HSD17B12: variants seen among roughly 807,000 people sequenced by gnomAD.
HSD17B12 encodes very-long-chain 3-oxoacyl-CoA reductase.
In HSD17B12, 32 loss-of-function variants were observed where a neutral mutation model predicts 39.3. That is an observed-to-expected ratio of 0.81 (90% CI 0.61 to 1.09). The LOEUF (loss-of-function observed/expected upper bound fraction) is 1.09. HSD17B12 is among the 50% of genes least tolerant of loss of function. The pLI, the probability that HSD17B12 is intolerant of heterozygous loss-of-function variation, is 0.00. For missense variants in HSD17B12, 342 were observed against 382.9 expected, an observed-to-expected ratio of 0.89 and a Z score of 0.89; for synonymous variants, 150 against 146.7, an observed-to-expected ratio of 1.02 and a Z score of -0.16.
chr11:43,855,878 T>A lies in HSD17B12; in HGVS notation c.*630T>A, dbSNP rs1951578060. The A allele has an allele frequency of 8.2e-6, 1 of 121,706 alleles. No homozygotes were observed. Among genetic ancestry groups the A allele is most frequent in the Admixed American group, 9.0e-5 (1 of 11,078 alleles). The allele number at this position is 121,706 out of a possible 1,614,324, so 7.5% of individuals were successfully genotyped here. ...CCCACTAAACTATGCTTTCTTATAA[T>A]GCATATTTCTTCTCAGTTTAAATGT... On this transcript the variant is annotated 3_prime_UTR_variant, in exon 11 of 11. Coordinates refer to ENST00000278353, the MANE Select transcript of HSD17B12 (RefSeq NM_016142.3).
the HSD17B12 span, among the ~76,000 whole-genome samples, chr11:43,586,764 C>T: frequency 6.6e-6 from 1 of 152,190 alleles, no homozygotes; most frequent in African/African-American, 2.4e-5. Flanking sequence ...CCAATATCAG[C>T]CACTTCGAGG....
intron 1 of HSD17B12, among the ~76,000 whole-genome samples, chr11:43,732,272 G>A (rs527704880): frequency 2.2e-4 from 34 of 152,268 alleles, no homozygotes; most frequent in African/African-American, 7.7e-4. Context: ...CAGCCATGCT[G>A]AACTATGAGT....
At chr11:43,579,990 C>T in the HSD17B12 span, among the ~76,000 whole-genome samples, 1 of 152,020 alleles carries the variant, frequency 6.6e-6, no homozygotes, top group African/African-American at 2.4e-5. Context: ...GTGAGGTTTC[C>T]CCCACTGGGG....
At chr11:43,768,046 G>C (rs1253207164) in intron 3 of HSD17B12, among the ~76,000 whole-genome samples, 1 of 152,188 alleles carries the variant, frequency 6.6e-6, no homozygotes, top group Non-Finnish European at 1.5e-5. Context: ...AACGAAGTCT[G>C]GGGAGAGACC....
rs1232125962 is a variant in HSD17B12, at chr11:43,690,388, A to ATTTT, written c.160+9402_160+9403insTTTT. Among the ~76,000 whole-genome samples, 18 of 11,792 alleles carry ATTTT rather than the reference A, an allele frequency of 1.5e-3. 3 individuals carry two copies. Among genetic ancestry groups the ATTTT allele is most frequent in the Non-Finnish European group, 2.1e-3 (15 of 7,022 alleles). The allele number at this position is 11,792 out of a possible 152,430, so 7.7% of individuals were successfully genotyped here. A position where few individuals can be genotyped will look rare whatever the true frequency, so the allele number is the denominator to read the frequency against. ...TATATATATATATATATATATATAT[A>ATTTT]TATATATATATATATATTTTTTTTT... On this transcript the variant is annotated intron_variant, in intron 1 of 10. Transcript: ENST00000278353.
At chr11:43,767,085 C>T (rs1429630413) in intron 3 of HSD17B12, among the ~76,000 whole-genome samples, 4 of 152,100 alleles carry the variant, frequency 2.6e-5, no homozygotes, top group Admixed American at 6.5e-5. Flanking sequence ...TGGGAGTGTA[C>T]TCCACCGTGG....
the HSD17B12 span, among the ~76,000 whole-genome samples, chr11:43,606,964 C>G: frequency 6.6e-6 from 1 of 152,128 alleles, no homozygotes; most frequent in Non-Finnish European, 1.5e-5. Flanking sequence ...TTTAGCTTCT[C>G]CAGGCCTTGC....
At chr11:43,563,519 A>T in the HSD17B12 span, among the ~76,000 whole-genome samples, 33 of 152,218 alleles carry the variant, frequency 2.2e-4, no homozygotes, top group Non-Finnish European at 3.7e-4. Context: ...TCCATCTATT[A>T]AGATCCATAT....
the HSD17B12 span, among the ~76,000 whole-genome samples, chr11:43,616,672 C>T: frequency 1.0e-3 from 155 of 151,598 alleles, 1 homozygote; most frequent in Non-Finnish European, 1.9e-3. Context: ...GGTCAATAGG[C>T]AGAAGTTGGC....
At chr11:43,567,474 A>G in the HSD17B12 span, among the ~76,000 whole-genome samples, 1 of 152,236 alleles carries the variant, frequency 6.6e-6, no homozygotes, top group African/African-American at 2.4e-5. Flanking sequence ...TTCTCTAAGT[A>G]AAATATTTCT....
At chr11:43,696,261 TG>T (rs1949910706) in intron 1 of HSD17B12, among the ~76,000 whole-genome samples, 1 of 152,156 alleles carries the variant, frequency 6.6e-6, no homozygotes, top group Non-Finnish European at 1.5e-5. Flanking sequence ...AATATAGTGA[TG>T]AGCAAGAAAG....
chr11:43,605,673 A>G, the HSD17B12 span, among the ~76,000 whole-genome samples: 1 of 152,284 alleles, frequency 6.6e-6, no homozygotes, highest in South Asian at 2.1e-4. Flanking sequence ...TCTTCTGTAA[A>G]ATATCAACCA....
the HSD17B12 span, among the ~76,000 whole-genome samples, chr11:43,642,618 G>A: frequency 4.6e-5 from 7 of 151,442 alleles, no homozygotes; most frequent in Admixed American, 2.0e-4. Flanking sequence ...TATAAAATAC[G>A]CTTTAAAATG....
chr11:43,715,444 T>C (rs1326573344), intron 1 of HSD17B12, among the ~76,000 whole-genome samples: 1 of 152,194 alleles, frequency 6.6e-6, no homozygotes, highest in Non-Finnish European at 1.5e-5. Context: ...TTTGGGTATG[T>C]CGAACCAGCC....
chr11:43,814,081 C>T (rs1021714587), intron 4 of HSD17B12, among the ~76,000 whole-genome samples: 4 of 152,104 alleles, frequency 2.6e-5, no homozygotes, highest in African/African-American at 9.7e-5. Context: ...CATCTTCTTG[C>T]AACTGAAACT....
intron 1 of HSD17B12, among the ~76,000 whole-genome samples, chr11:43,742,480 TTAAA>T (rs1222968379): frequency 6.6e-6 from 1 of 152,196 alleles, no homozygotes; most frequent in Non-Finnish European, 1.5e-5. Flanking sequence ...TCCCACTGTC[TTAAA>T]TAAACAAATT....
At chr11:43,748,233 G>A (rs2134933902) in intron 1 of HSD17B12, among the ~76,000 whole-genome samples, 1 of 152,180 alleles carries the variant, frequency 6.6e-6, no homozygotes, top group South Asian at 2.1e-4. Flanking sequence ...ATGGTAGATT[G>A]GGTAAAGAAA....
intron 1 of HSD17B12, among the ~76,000 whole-genome samples, chr11:43,700,990 A>G (rs1949958946): frequency 6.6e-6 from 1 of 152,130 alleles, no homozygotes; most frequent in African/African-American, 2.4e-5. Context: ...CATCTTTGCC[A>G]GCATTTGTTA....
At chr11:43,603,146 C>A in the HSD17B12 span, among the ~76,000 whole-genome samples, 1 of 152,110 alleles carries the variant, frequency 6.6e-6, no homozygotes, top group African/African-American at 2.4e-5. Context: ...ATATTGACTC[C>A]ATTTAATATT....
Sources: allele counts gnomAD v4.1 joint callset (sites outside exome capture counted in the v4.1 genomes callset), GRCh38; gene constraint gnomAD v4.1.1; transcripts MANE v1.5; gene names NCBI Gene and HGNC (gene_info 2026-07-23, HGNC 2026-07-21).